FRMPD2: variants seen among roughly 807,000 people sequenced by gnomAD.
FRMPD2 encodes FERM and PDZ domain-containing protein 2.
Under a neutral mutation model 140.1 loss-of-function variants are expected in FRMPD2, and 96 were observed. The ratio of observed to expected loss-of-function variants is 0.69; its 90% CI spans 0.58 to 0.81. The LOEUF (loss-of-function observed/expected upper bound fraction) is 0.81. Among genes scored for constraint, FRMPD2 ranks in the 40% least tolerant of loss-of-function variants. FRMPD2 has a pLI of 0.00. For missense variants in FRMPD2, 1,240 were observed against 1,447.4 expected (o/e 0.86, Z 2.32); for synonymous variants, 449 against 547.6 (o/e 0.82, Z 2.52).
chr10:48,240,382 C>T lies in FRMPD2; in HGVS notation c.678G>A (p.Pro226=), dbSNP rs373177431. 169 of 1,612,804 alleles carry T rather than the reference C, an allele frequency of 1.0e-4. No individual in the cohort carries two copies. The highest frequency in any genetic ancestry group is 5.2e-4 in the South Asian group (47 of 91,082). ...CACCTCTGCAAGGATGCAGACACTC[C>T]GGGGCCTGTGCCGCTGGGCTCTCGC... ...TSSESPAAQA[P]ECLHPCRVSE... Residue 226 remains proline (P), a synonymous_variant, in exon 6 of 29, where the codon CCG becomes CCA. Coordinates refer to ENST00000374201, the MANE Select transcript of FRMPD2 (RefSeq NM_001018071.4).
intron 20 of FRMPD2, among the ~76,000 whole-genome samples, chr10:48,182,324 C>T (rs1008518998): frequency 2.0e-5 from 3 of 152,244 alleles, no homozygotes; most frequent in Admixed American, 6.5e-5. Context: ...ATGGGACTTA[C>T]GATTGAAATG....
intron 1 of FRMPD2, among the ~76,000 whole-genome samples, chr10:48,267,689 A>G (rs1168414428): frequency 6.6e-6 from 1 of 152,246 alleles, no homozygotes; most frequent in African/African-American, 2.4e-5. Context: ...TACAAATAAT[A>G]TATGTGAATG....
chr10:48,186,898 T>C (rs764276236), intron 17 of FRMPD2, among the ~76,000 whole-genome samples: 4 of 152,034 alleles, frequency 2.6e-5, no homozygotes, highest in Non-Finnish European at 5.9e-5. Flanking sequence ...AAGAAGCATA[T>C]CTACAGTGAA....
chr10:48,250,922 G>A (rs1048234490), intron 2 of FRMPD2, among the ~76,000 whole-genome samples: 5 of 149,774 alleles, frequency 3.3e-5, no homozygotes, highest in South Asian at 2.1e-4. Context: ...TCCGCCTCCC[G>A]AGTAGCTGAG....
intron 9 of FRMPD2, among the ~76,000 whole-genome samples, chr10:48,234,789 T>G (rs1025637479): frequency 6.6e-6 from 1 of 152,146 alleles, no homozygotes; most frequent in Non-Finnish European, 1.5e-5. Flanking sequence ...AGACCTGGTG[T>G]GTAGGTCAAG....
intron 14 of FRMPD2, among the ~76,000 whole-genome samples, chr10:48,203,277 G>A (rs1171838998): frequency 6.6e-6 from 1 of 152,128 alleles, no homozygotes; most frequent in Non-Finnish European, 1.5e-5. Flanking sequence ...AGAGTGGAAT[G>A]CTGATCCTAT....
At chr10:48,271,169 T>C (rs1286713311) in intron 1 of FRMPD2, among the ~76,000 whole-genome samples, 1 of 152,074 alleles carries the variant, frequency 6.6e-6, no homozygotes, top group Non-Finnish European at 1.5e-5. Flanking sequence ...CCCCATGGCC[T>C]TTTTCCAGCC....
chr10:48,167,852 A>G (rs1838138643), intron 27 of FRMPD2, among the ~76,000 whole-genome samples: 1 of 151,228 alleles, frequency 6.6e-6, no homozygotes, highest in African/African-American at 2.4e-5. Context: ...TCATGCTGTC[A>G]GCTGAAGCCC....
chr10:48,215,155 T>C (rs1839416271), intron 12 of FRMPD2, among the ~76,000 whole-genome samples: 1 of 152,190 alleles, frequency 6.6e-6, no homozygotes, highest in South Asian at 2.1e-4. Flanking sequence ...AACAGTGGTT[T>C]CCAAATTATT....
chr10:48,192,802 C>T lies in FRMPD2; in HGVS notation c.2047G>A (p.Glu683Lys). The T allele has an allele frequency of 6.2e-7, 1 of 1,614,162 alleles. No individual in the cohort carries two copies. The highest frequency in any genetic ancestry group is 1.1e-5 in the South Asian group (1 of 91,086). The change falls in exon 16 of 29, where the codon GAA becomes AAA. Residue 683 changes from glutamate to lysine, a missense_variant. Glu to Lys is a moderately conservative substitution (Grantham distance 56, BLOSUM62 1). This residue lies in a region of FRMPD2 where 1,161 missense variants were observed against 1,055.9 expected (regional missense o/e 1.10). Coordinates refer to ENST00000374201, the MANE Select transcript of FRMPD2 (RefSeq NM_001018071.4). Reference sequence around the variant, plus strand: ...AGCCTGGATACAAACAACTCGTTTTCTGAGCATGACAATCTCTGAATCCAA... The same window carrying T: ...AGCCTGGATACAAACAACTCGTTTTTTGAGCATGACAATCTCTGAATCCAA... ...LIWIQRLSCS[E>K]NELFVSRLQG...
At chr10:48,242,034 G>T in intron 5 of FRMPD2, 127 bp downstream of exon 5, 1 of 661,542 alleles carries the variant, frequency 1.5e-6, no homozygotes, top group Non-Finnish European at 2.4e-6. Context: ...CACTTGAAAT[G>T]TGACAGATGT....
intron 11 of FRMPD2, 26 bp from the exon 12 acceptor site, chr10:48,222,477 G>A: frequency 6.2e-7 from 1 of 1,612,212 alleles, no homozygotes; most frequent in Non-Finnish European, 8.5e-7. Context: ...CAATAAAAAG[G>A]GCTGGGTTGC....
intron 1 of FRMPD2, among the ~76,000 whole-genome samples, chr10:48,252,820 G>A (rs1031113331): frequency 1.3e-5 from 2 of 151,962 alleles, no homozygotes; most frequent in African/African-American, 4.8e-5. Flanking sequence ...AAAAAGTGAT[G>A]AATTAGAAGC....
intron 28 of FRMPD2, among the ~76,000 whole-genome samples, chr10:48,160,404 G>A (rs1380468019): frequency 6.6e-6 from 1 of 150,616 alleles, no homozygotes; most frequent in African/African-American, 2.5e-5. Context: ...AATTTGCTGG[G>A]AATTTCAATT....
intron 15 of FRMPD2, among the ~76,000 whole-genome samples, chr10:48,198,058 A>G (rs1394051605): frequency 2.0e-5 from 3 of 152,368 alleles, no homozygotes; most frequent in Middle Eastern, 3.4e-3. Context: ...AATAGTAAAT[A>G]GCTCCATAGC....
chr10:48,209,962 T>C (rs191215591), intron 13 of FRMPD2, among the ~76,000 whole-genome samples: 2 of 152,310 alleles, frequency 1.3e-5, no homozygotes, highest in East Asian at 1.9e-4. Flanking sequence ...ATTATATACA[T>C]ACATAAAAGT....
At chr10:48,225,561 G>T (rs949960672) in intron 10 of FRMPD2, among the ~76,000 whole-genome samples, 1 of 152,138 alleles carries the variant, frequency 6.6e-6, no homozygotes, top group Admixed American at 6.5e-5. Context: ...GTCTTTAAAA[G>T]CTTCCCCTTC....
At chr10:48,173,885 G>A (rs1838332171) in intron 24 of FRMPD2, among the ~76,000 whole-genome samples, 1 of 151,990 alleles carries the variant, frequency 6.6e-6, no homozygotes, top group Admixed American at 6.6e-5. Flanking sequence ...ATGTGGCCCT[G>A]CCTTCATCTT....
At chr10:48,220,062 T>A (rs1357184013) in intron 12 of FRMPD2, among the ~76,000 whole-genome samples, 1 of 152,166 alleles carries the variant, frequency 6.6e-6, no homozygotes, top group African/African-American at 2.4e-5. Context: ...TTAACATAAA[T>A]CGACAATGTC....
Sources: allele counts gnomAD v4.1 joint callset (sites outside exome capture counted in the v4.1 genomes callset), GRCh38; gene constraint gnomAD v4.1.1; regional missense constraint gnomAD v4.1.1; transcripts MANE v1.5; gene names NCBI Gene and HGNC (gene_info 2026-07-23, HGNC 2026-07-21).